Variants in FBXO41 observed in about 807,000 individuals in gnomAD.
The protein encoded by FBXO41 is F-box protein 41, also known as F-box only protein 41.
Under a neutral mutation model 81.6 loss-of-function variants are expected in FBXO41, and 33 were observed. The observed-to-expected ratio is 0.40, with a 90% CI of 0.31 to 0.54. The LOEUF is 0.54. FBXO41 is among the 20% of genes least tolerant of loss of function. The pLI is 0.39. For synonymous variants in FBXO41, 576 were observed against 552.7 expected (o/e 1.04, Z -0.59); for missense variants, 1,107 against 1,236.0 (o/e 0.90, Z 1.56).
rs1357120813 is a variant in FBXO41, at chr2:73,257,425, A to T, written c.*1557T>A. The T allele has an allele frequency of 6.6e-6, 1 of 152,122 alleles. No homozygotes were observed. The highest frequency in any genetic ancestry group is 2.4e-5 in the African/African-American group (1 of 41,410). 9.4% of individuals were successfully genotyped at this position (152,122 alleles called of 1,614,324 possible). On this transcript the variant is annotated 3_prime_UTR_variant, in exon 13 of 13. Transcript: ENST00000520530. The surrounding 1 kb of genome is among the most constrained non-coding windows in gnomAD (Gnocchi z 4.6). Reference sequence around the variant, plus strand: ...GCTCTGGAGGACTCTTTACAAGGTAACCTGGGGGAGGGTCTTCATGTCCAA... The same window carrying T: ...GCTCTGGAGGACTCTTTACAAGGTATCCTGGGGGAGGGTCTTCATGTCCAA...
chr2:73,269,529 G>A lies in FBXO41; in HGVS notation c.102C>T (p.Thr34=). The change falls in exon 2 of 13, where the codon ACC becomes ACT. Residue 34 remains threonine (T), a synonymous_variant. Coordinates refer to ENST00000520530, the MANE Select transcript of FBXO41 (RefSeq NM_001371389.2). This position sits in a 1 kb window ranked among gnomAD's most constrained non-coding sequence, Gnocchi z 7.0. ...TGGAGAGGATGTAGAGCGTCTCGTA[G>A]GTGTGGCTGTACTCCAGGTGCGCGC... ...SLRAHLEYSH[T]YETLYILSKT... 2 of 1,371,976 alleles carry A rather than the reference G, an allele frequency of 1.5e-6. No individual in the cohort carries two copies. Among genetic ancestry groups the A allele is most frequent in the Non-Finnish European group, 9.5e-7 (1 of 1,053,522 alleles). The allele number at this position is 1,371,976 out of a possible 1,614,324, so 85.0% of individuals were successfully genotyped here.
At chr2:73,276,559 TCAGAGA>T (rs1688686282) in intron 1 of FBXO41, among the ~76,000 whole-genome samples, 4 of 75,810 alleles carry the variant, frequency 5.3e-5, no homozygotes, top group African/African-American at 1.8e-4. Flanking sequence ...GCAAATCTAT[TCAGAGA>T]GAGAGAGAGA....
At position 73,269,490 on chromosome 2, in the gene FBXO41, G is replaced by A; in HGVS notation, c.141C>T (p.Ile47=). The A allele has an allele frequency of 7.7e-7, 1 of 1,298,918 alleles. No homozygotes were observed. The highest frequency in any genetic ancestry group is 9.8e-7 in the Non-Finnish European group (1 of 1,017,416). 80.5% of individuals were successfully genotyped at this position (1,298,918 alleles called of 1,614,324 possible). The change falls in exon 2 of 13, where the codon ATC becomes ATT. Residue 47 remains isoleucine, a synonymous_variant. Coordinates refer to ENST00000520530, the MANE Select transcript of FBXO41 (RefSeq NM_001371389.2). This position sits in a 1 kb window ranked among gnomAD's most constrained non-coding sequence, Gnocchi z 7.0. Reference sequence around the variant, plus strand: ...CCGCGGCGGCGGCGGCGCCGTCGCAGATGCTGTTGGTCTTGGAGAGGATGT... The same window carrying A: ...CCGCGGCGGCGGCGGCGCCGTCGCAAATGCTGTTGGTCTTGGAGAGGATGT... ...TLYILSKTNS[I]CDGAAAAAAA...
rs552903505 is a variant in FBXO41 at position 73,265,637 on chromosome 2, G to C, written c.1209C>G (p.Ala403=). 1 of 1,508,792 alleles carries C rather than the reference G, an allele frequency of 6.6e-7. No individual in the cohort carries two copies. The highest frequency in any genetic ancestry group is 1.4e-5 in the African/African-American group (1 of 71,942). The allele number at this position is 1,508,792 out of a possible 1,614,324, so 93.5% of individuals were successfully genotyped here. ...SRHGSSPSTG[A]SSRVPAASQS... ...GGGATGCGGCTGGCACACGGCTGGA[G>C]GCCCTGGGGCAGGGTGGACCACACA... The change falls in exon 5 of 13, where the codon GCC becomes GCG. Residue 403 remains alanine, a synonymous_variant. Transcript: ENST00000520530.
Position 73,265,380 on chromosome 2 carries a change from A to G in FBXO41, c.1466T>C (p.Val489Ala), listed in dbSNP as rs755079022. ...TEGEEGDVSD[V>A]GSRTTESEAE... ...CTCTGACTCAGTGGTTCGGGAGCCAACGTCGGAGACATCACCCTCTTCCCC... is the reference window on the plus strand; with the variant it reads ...CTCTGACTCAGTGGTTCGGGAGCCAGCGTCGGAGACATCACCCTCTTCCCC... Residue 489 changes from valine (V) to alanine (A), a missense_variant, in exon 5 of 13, where the codon GTT (valine) becomes GCT (alanine). Transcript: ENST00000520530. 1.6e-5 allele frequency: 26 copies of G among 1,611,574 alleles called. No individual in the cohort carries two copies. The highest frequency in any genetic ancestry group is 2.2e-5 in the East Asian group (1 of 44,886).
intron 9 of FBXO41, among the ~76,000 whole-genome samples, chr2:73,262,078 C>T (rs530091658): frequency 5.7e-4 from 87 of 152,260 alleles, no homozygotes; most frequent in Non-Finnish European, 1.1e-3. Flanking sequence ...CAAAAATTAG[C>T]TGGGCATGGT....
Position 73,259,114 on chromosome 2 carries a change from C to T in FBXO41, c.2565+67G>A. 7 of 1,610,398 alleles carry T rather than the reference C, an allele frequency of 4.3e-6. No individual in the cohort carries two copies. The highest frequency in any genetic ancestry group is 5.9e-6 in the Non-Finnish European group (7 of 1,177,464). ...GTGGGGCCCTCCTGCCACACTCACC[C>T]AGGTCACCAGCCCCAGTCTAGGGAT... On this transcript the variant is annotated intron_variant, in intron 12 of 12. Transcript: ENST00000520530. The surrounding 1 kb of genome is among the most constrained non-coding windows in gnomAD (Gnocchi z 4.2).
intron 5 of FBXO41, 25 bp from the exon 6 acceptor site, chr2:73,264,544 G>A (rs1346958846): frequency 1.9e-6 from 3 of 1,612,032 alleles, no homozygotes; most frequent in Admixed American, 3.3e-5. Context: ...GGGTTCAAAA[G>A]TGAGCGTGGA....
At chr2:73,276,307 G>A (rs1176266340) in intron 1 of FBXO41, among the ~76,000 whole-genome samples, 1 of 151,428 alleles carries the variant, frequency 6.6e-6, no homozygotes, top group Non-Finnish European at 1.5e-5. Context: ...CTACTCAGGA[G>A]GCTGAGGCAG....
In FBXO41 at chr2:73,281,370, G is replaced by T. The variant is rs528602155; in HGVS notation, c.-139+2790C>A. Among the ~76,000 whole-genome samples the T allele has an allele frequency of 2.6e-5, 4 of 152,218 alleles. No individual in the cohort carries two copies. In the South Asian group the frequency reaches 6.2e-4, roughly 24 times the overall value. Reference sequence around the variant, plus strand: ...TCAGTGTCCAAATCACTTGCCCAAGGAAGGCCTGTAATGGACTGTTGCTTT... The same window carrying T: ...TCAGTGTCCAAATCACTTGCCCAAGTAAGGCCTGTAATGGACTGTTGCTTT... On this transcript the variant is annotated intron_variant, in intron 1 of 12. Transcript: ENST00000520530.
Position 73,284,324 on chromosome 2 carries a change from G to C in FBXO41, c.-303C>G, listed in dbSNP as rs1358137032. On this transcript the variant is annotated 5_prime_UTR_variant, in exon 1 of 13. Coordinates refer to ENST00000520530, the MANE Select transcript of FBXO41 (RefSeq NM_001371389.2). This position sits in a 1 kb window ranked among gnomAD's most constrained non-coding sequence, Gnocchi z 7.4. Reference sequence around the variant, plus strand: ...GGCTAGCGCCCCCGCCTCCCTCTCGGGGCGGGGGCGGCCGAACCTCCCAGC... The same window carrying C: ...GGCTAGCGCCCCCGCCTCCCTCTCGCGGCGGGGGCGGCCGAACCTCCCAGC... 2.0e-5 allele frequency: 3 copies of C among 152,092 alleles called. No individual in the cohort carries two copies. The highest frequency in any genetic ancestry group is 2.9e-5 in the Non-Finnish European group (2 of 68,002). 9.4% of individuals were successfully genotyped at this position (152,092 alleles called of 1,614,324 possible).
chr2:73,277,732 C>T (rs1688736494), intron 1 of FBXO41, among the ~76,000 whole-genome samples: 1 of 152,088 alleles, frequency 6.6e-6, no homozygotes, highest in Non-Finnish European at 1.5e-5. Context: ...TCTTCTGTAG[C>T]TCCTGTTTCC....
At chr2:73,268,594 C>T (rs1291212716) in intron 2 of FBXO41, 132 bp downstream of exon 2, 1 of 875,958 alleles carries the variant, frequency 1.1e-6, no homozygotes, top group Non-Finnish European at 1.7e-6. Context: ...CACATGCATG[C>T]TCCTGGCCAC....
In FBXO41 at chr2:73,256,481, AGTCT is replaced by A. The variant is rs1337310032; in HGVS notation, c.*2497_*2500del. ...GCATGCATGAAGGCTAGGGGGCACA[AGTCT>A]GTCAGCCCCAGGGTGCGTGTGCAAT... On this transcript the variant is annotated 3_prime_UTR_variant, in exon 13 of 13. Transcript: ENST00000520530. The A allele has an allele frequency of 6.6e-6, 1 of 152,320 alleles. No individual in the cohort carries two copies. Among genetic ancestry groups the A allele is most frequent in the Non-Finnish European group, 1.5e-5 (1 of 68,118 alleles). 9.4% of individuals were successfully genotyped at this position (152,320 alleles called of 1,614,324 possible).
chr2:73,265,819 A>G, intron 4 of FBXO41, 74 bp downstream of exon 4: 1 of 1,505,048 alleles, frequency 6.6e-7, no homozygotes, highest in Non-Finnish European at 9.0e-7. Context: ...AGGGTGACAC[A>G]AGCCCCAGAC....
rs539520944 is a variant in FBXO41 at position 73,269,078 on chromosome 2, A to C, written c.553T>G (p.Ser185Ala). ...PGPGPCPGPA[S>A]ASPASPSPAD... ...GGTGAGGGGGACGCGGGCGAAGCGG[A>C]GGCAGGCCCGGGGCAAGGGCCGGGG... is the stretch of plus-strand genomic sequence containing the variant. The change falls in exon 2 of 13, where the codon TCC (serine) becomes GCC (alanine). Residue 185 changes from serine (S) to alanine (A), a missense_variant. By Grantham distance (99) the Ser-to-Ala change is moderately conservative (BLOSUM62 1). This residue lies in a region of FBXO41 where 771 missense variants were observed against 789.2 expected (regional missense o/e 0.98). Transcript: ENST00000520530. This position sits in a 1 kb window ranked among gnomAD's most constrained non-coding sequence, Gnocchi z 7.0. The C allele has an allele frequency of 1.2e-3, 1,830 of 1,512,012 alleles. 28 individuals are homozygous for C. In the South Asian group the frequency reaches 0.022, roughly 18 times the overall value. The allele number at this position is 1,512,012 out of a possible 1,614,324, so 93.7% of individuals were successfully genotyped here. A position where few individuals can be genotyped will look rare whatever the true frequency, so the allele number is the denominator to read the frequency against.
intron 1 of FBXO41, among the ~76,000 whole-genome samples, chr2:73,275,375 G>A (rs1247969477): frequency 6.6e-6 from 1 of 151,990 alleles, no homozygotes; most frequent in Non-Finnish European, 1.5e-5. Flanking sequence ...TAGAGACAGC[G>A]TTTCACCATG....
chr2:73,260,122 T>A lies in FBXO41; in HGVS notation c.2449+267A>T, dbSNP rs1426590572. Among the ~76,000 whole-genome samples the A allele has an allele frequency of 1.3e-5, 2 of 152,044 alleles. No homozygotes were observed. The highest frequency in any genetic ancestry group is 4.8e-5 in the African/African-American group (2 of 41,380). The stretch of plus-strand genomic sequence containing the variant: ...TCATCTCATTTAATCCTCTCACCCA[T>A]CCTAGAAAGTCAGCTTAGAAGATGG... On this transcript the variant is annotated intron_variant, in intron 11 of 12. Transcript: ENST00000520530. The surrounding 1 kb of genome is among the most constrained non-coding windows in gnomAD (Gnocchi z 5.0).
rs184119258 is a variant in FBXO41, at chr2:73,269,947, A to G, written c.-138-179T>C. Among the ~76,000 whole-genome samples the G allele has an allele frequency of 6.6e-6, 1 of 152,192 alleles. No homozygotes were observed. The highest frequency in any genetic ancestry group is 1.5e-5 in the Non-Finnish European group (1 of 68,032). On this transcript the variant is annotated intron_variant, in intron 1 of 12. Transcript: ENST00000520530. This position sits in a 1 kb window ranked among gnomAD's most constrained non-coding sequence, Gnocchi z 7.0. ...GAGGGCCTGTATGTGTGCAAGAGAC[A>G]GCGAGAGAATGAGATAATCTGTTTT...
Sources: gnomAD v4.1 joint callset for allele counts (sites outside exome capture counted in the v4.1 genomes callset) on GRCh38, gnomAD v4.1.1 for gene constraint, gnomAD v4.1.1 regional missense constraint, Gnocchi (gnomAD v3.1) non-coding constraint, MANE v1.5 for transcripts, NCBI Gene and HGNC (gene_info 2026-07-23, HGNC 2026-07-21) for gene names.